CA10: variants seen among roughly 807,000 people sequenced by gnomAD.
CA10 encodes the protein carbonic anhydrase 10 (inactive), also known as carbonic anhydrase-related protein 10.
Under a neutral mutation model 44.2 loss-of-function variants are expected in CA10, and 14 were observed. The observed-to-expected ratio is 0.32, with a 90% CI of 0.21 to 0.50. The LOEUF (loss-of-function observed/expected upper bound fraction) is 0.50, where lower values mean the gene tolerates loss of function less well. Ranked by LOEUF, CA10 falls within the 20% of genes least tolerant of loss-of-function variation. The probability of loss-of-function intolerance (pLI) is 0.99; values close to 1 mark genes in which losing one functional copy is unlikely to be tolerated. For synonymous variants in CA10, 159 were observed against 141.6 expected, an observed-to-expected ratio of 1.12 and a Z score of -0.87; for missense variants, 350 against 409.7, an observed-to-expected ratio of 0.85 and a Z score of 1.26.
intron 4 of CA10, among the ~76,000 whole-genome samples, chr17:51,744,553 T>G (rs1326860376): frequency 6.6e-6 from 1 of 151,978 alleles, no homozygotes; most frequent in Non-Finnish European, 1.5e-5. Flanking sequence ...GAGGTTACAG[T>G]GAACTGTGAT....
intron 3 of CA10, among the ~76,000 whole-genome samples, chr17:51,845,346 AGTC>A (rs1978445085): frequency 6.6e-6 from 1 of 152,152 alleles, no homozygotes; most frequent in Non-Finnish European, 1.5e-5. Context: ...TTGGCTGTCA[AGTC>A]GTGAAGATAT....
intron 2 of CA10, among the ~76,000 whole-genome samples, chr17:51,953,145 G>T (rs746683920): frequency 3.3e-5 from 5 of 152,132 alleles, no homozygotes; most frequent in Non-Finnish European, 7.3e-5. Flanking sequence ...GATGCAGTCT[G>T]TTCTAGTACC....
chr17:52,159,870 C>A (rs993601947), upstream of CA10: 1 of 152,210 alleles, frequency 6.6e-6, no homozygotes, highest in African/African-American at 2.4e-5. Flanking sequence ...AAAATCTCAA[C>A]AGATTTGTCT....
At chr17:51,725,771 T>C (rs891586935) in intron 4 of CA10, among the ~76,000 whole-genome samples, 3 of 152,204 alleles carry the variant, frequency 2.0e-5, no homozygotes, top group Admixed American at 6.5e-5. Flanking sequence ...CAGTCAGCTG[T>C]AATGGGCCCT....
In CA10 at chr17:51,991,178, G is replaced by A. The variant is rs542536752; in HGVS notation, c.137-60046C>T. 1.0e-3 allele frequency among the ~76,000 whole-genome samples: 155 copies of A among 152,198 alleles called. No homozygotes were observed. The South Asian group carries it at 0.017, about 17-fold the overall frequency. ...TGAGAAAAATGATGGAAAATGTAGTGCAGAGTCCAGCACCTGACAAATAAT... is the reference window on the plus strand; with the variant it reads ...TGAGAAAAATGATGGAAAATGTAGTACAGAGTCCAGCACCTGACAAATAAT... On this transcript the variant is annotated intron_variant, in intron 2 of 8. Coordinates refer to ENST00000451037, the MANE Select transcript of CA10 (RefSeq NM_020178.5).
chr17:51,692,443 G>T, intron 4 of CA10, among the ~76,000 whole-genome samples: 1 of 146,374 alleles, frequency 6.8e-6, no homozygotes, highest in Non-Finnish European at 1.5e-5. Flanking sequence ...ATTTACCATG[G>T]GAATGATAGG....
chr17:52,107,199 A>G (rs1019999085), intron 1 of CA10, among the ~76,000 whole-genome samples: 1 of 152,116 alleles, frequency 6.6e-6, no homozygotes, highest in African/African-American at 2.4e-5. Flanking sequence ...ACTGCACCCC[A>G]TGTTAGAAGC....
Position 51,868,053 on chromosome 17 carries a change from G to T in CA10, c.279+62937C>A, listed in dbSNP as rs547087880. ...CTATCACAGAGTTCAAATAAAGCAG[G>T]TGTAACACACACACACACACACACA... is the stretch of plus-strand genomic sequence containing the variant. On this transcript the variant is annotated intron_variant, in intron 3 of 8. Transcript: ENST00000451037. Among the ~76,000 whole-genome samples, 167 of 138,002 alleles carry T rather than the reference G, an allele frequency of 1.2e-3. 2 individuals are homozygous for T. In the South Asian group the frequency reaches 0.018, roughly 14 times the overall value. 90.5% of individuals were successfully genotyped at this position (138,002 alleles called of 152,430 possible). A position where few individuals can be genotyped will look rare whatever the true frequency, so the allele number is the denominator to read the frequency against.
At chr17:51,717,681 A>ATG (rs1567815264) in intron 4 of CA10, among the ~76,000 whole-genome samples, 1,663 of 57,688 alleles carry the variant, frequency 0.029, 302 homozygotes, top group Middle Eastern at 0.05. Flanking sequence ...ATATATGTAT[A>ATG]TATGTATACA....
At position 51,716,287 on chromosome 17, in the gene CA10, T is replaced by C. The variant is rs539892115; in HGVS notation, c.465+31346A>G. ...ATATATTATAGACTCTTTAATCATT[T>C]TCAGGGGAATTGGGTTGGGATGGAA... On this transcript the variant is annotated intron_variant, in intron 4 of 8. Transcript: ENST00000451037. 2.6e-5 allele frequency among the ~76,000 whole-genome samples: 4 copies of C among 152,244 alleles called. No individual in the cohort carries two copies. The South Asian group carries it at 8.3e-4, about 32-fold the overall frequency.
intron 3 of CA10, among the ~76,000 whole-genome samples, chr17:51,798,655 G>T (rs1329383724): frequency 6.6e-6 from 1 of 152,154 alleles, no homozygotes; most frequent in Non-Finnish European, 1.5e-5. Context: ...TTTTTAAATT[G>T]GTTTAAAGTT....
chr17:52,078,917 C>T (rs1262831223), intron 1 of CA10, among the ~76,000 whole-genome samples: 2 of 152,206 alleles, frequency 1.3e-5, no homozygotes, highest in Non-Finnish European at 2.9e-5. Flanking sequence ...TAGTGCCCCA[C>T]ACTATCTGTT....
chr17:51,821,091 C>CCCTCCCTCCCTT (rs1276980005), intron 3 of CA10, among the ~76,000 whole-genome samples: 4 of 116,122 alleles, frequency 3.4e-5, no homozygotes, highest in African/African-American at 1.5e-4. Flanking sequence ...CTCCCTCCCT[C>CCCTCCCTCCCTT]CCTTCCTTCC....
chr17:52,145,901 A>C (rs539386912), intron 1 of CA10, among the ~76,000 whole-genome samples: 4 of 152,170 alleles, frequency 2.6e-5, no homozygotes, highest in Non-Finnish European at 5.9e-5. Flanking sequence ...ATTATTTTTA[A>C]AAAAAATTCG....
At chr17:51,898,306 G>A (rs1981160532) in intron 3 of CA10, among the ~76,000 whole-genome samples, 2 of 152,004 alleles carry the variant, frequency 1.3e-5, no homozygotes, top group African/African-American at 4.8e-5. Flanking sequence ...TGAATCTATT[G>A]AGATGATCAT....
At chr17:51,664,288 C>A (rs1024955772) in intron 4 of CA10, among the ~76,000 whole-genome samples, 1 of 151,956 alleles carries the variant, frequency 6.6e-6, no homozygotes, top group Non-Finnish European at 1.5e-5. Context: ...ATATCTTTTA[C>A]GATCATATAT....
chr17:51,889,636 C>T (rs566065804), intron 3 of CA10, among the ~76,000 whole-genome samples: 1 of 152,292 alleles, frequency 6.6e-6, no homozygotes, highest in South Asian at 2.1e-4. Context: ...AAGCATGGTT[C>T]ATTGGGGGCC....
intron 2 of CA10, among the ~76,000 whole-genome samples, chr17:52,030,394 G>T (rs181841060): frequency 1.2e-4 from 19 of 152,222 alleles, no homozygotes; most frequent in Admixed American, 1.2e-3. Flanking sequence ...CCATGGAGAG[G>T]AGGAGGTGGG....
intron 3 of CA10, among the ~76,000 whole-genome samples, chr17:51,833,737 A>G (rs968368799): frequency 3.3e-5 from 5 of 152,222 alleles, no homozygotes; most frequent in African/African-American, 1.2e-4. Context: ...ATATGTATAT[A>G]TATATTAGAA....
Sources: gnomAD v4.1 joint callset for allele counts (sites outside exome capture counted in the v4.1 genomes callset) on GRCh38, gnomAD v4.1.1 for gene constraint, MANE v1.5 for transcripts, NCBI Gene and HGNC (gene_info 2026-07-23, HGNC 2026-07-21) for gene names.